Variants in PTPRD observed in about 807,000 individuals in gnomAD.
The protein encoded by PTPRD is protein tyrosine phosphatase receptor type D.
Under a neutral mutation model 214.5 loss-of-function variants are expected in PTPRD, and 34 were observed. The observed-to-expected ratio is 0.16, with a 90% CI of 0.12 to 0.21. PTPRD has a LOEUF of 0.21. Ranked by LOEUF, PTPRD falls within the 10% of genes least tolerant of loss-of-function variation. The pLI, the probability that PTPRD is intolerant of heterozygous loss-of-function variation, is 1.00. For missense variants in PTPRD, 2,545 were observed against 2,398.7 expected (o/e 1.06, Z -1.27); for synonymous variants, 1,128 against 845.7 (o/e 1.33, Z -5.79).
chr9:8,550,854 A>G (rs763543499), intron 14 of PTPRD, among the ~76,000 whole-genome samples: 4 of 152,218 alleles, frequency 2.6e-5, no homozygotes, highest in Non-Finnish European at 5.9e-5. Context: ...GGCTCTTTAG[A>G]GAAATAAGAA....
chr9:9,618,175 A>T (rs1246855851), intron 7 of PTPRD, among the ~76,000 whole-genome samples: 1 of 151,462 alleles, frequency 6.6e-6, no homozygotes, highest in Non-Finnish European at 1.5e-5. Context: ...CTTAATACAT[A>T]AAAGGAAAAG....
chr9:10,010,101 T>C (rs2096565510), intron 4 of PTPRD, among the ~76,000 whole-genome samples: 1 of 151,848 alleles, frequency 6.6e-6, no homozygotes, highest in African/African-American at 2.4e-5. Context: ...TTTAGAACAA[T>C]CTAATCGGTT....
intron 2 of PTPRD, among the ~76,000 whole-genome samples, chr9:10,589,086 G>C (rs181073033): frequency 1.3e-5 from 2 of 151,984 alleles, no homozygotes; most frequent in African/African-American, 4.8e-5. Context: ...CTCATGTATA[G>C]AATGTTACCT....
intron 35 of PTPRD, among the ~76,000 whole-genome samples, chr9:8,423,911 A>C (rs1475798269): frequency 6.6e-6 from 1 of 152,164 alleles, no homozygotes; most frequent in East Asian, 1.9e-4. Flanking sequence ...CAATCTGATG[A>C]ATTATTTCTA....
intron 5 of PTPRD, among the ~76,000 whole-genome samples, chr9:9,843,197 C>T (rs777410075): frequency 2.6e-5 from 4 of 152,014 alleles, no homozygotes; most frequent in Non-Finnish European, 5.9e-5. Flanking sequence ...AAGTCTGCTA[C>T]TCACTGTTCT....
chr9:10,533,454 G>A (rs964656078), intron 2 of PTPRD, among the ~76,000 whole-genome samples: 29 of 152,106 alleles, frequency 1.9e-4, no homozygotes, highest in African/African-American at 6.7e-4. Flanking sequence ...CAATCATAGA[G>A]TGGGTATATA....
At chr9:9,088,475 G>C (rs1402416541) in intron 10 of PTPRD, among the ~76,000 whole-genome samples, 2 of 149,526 alleles carry the variant, frequency 1.3e-5, no homozygotes, top group Non-Finnish European at 3.0e-5. Context: ...AGCTACTCGG[G>C]AGGATGAGGC....
chr9:9,044,879 A>G (rs1448648120), intron 10 of PTPRD, among the ~76,000 whole-genome samples: 1 of 152,212 alleles, frequency 6.6e-6, no homozygotes, highest in Non-Finnish European at 1.5e-5. Context: ...TACTGTCATA[A>G]TGGTGTGTCT....
intron 9 of PTPRD, among the ~76,000 whole-genome samples, chr9:9,307,218 C>T (rs1010863016): frequency 7.2e-5 from 11 of 152,146 alleles, no homozygotes; most frequent in African/African-American, 2.7e-4. Flanking sequence ...GAGAGAAAAA[C>T]GGCTTCATTT....
At chr9:9,371,893 G>T (rs1490071687) in intron 9 of PTPRD, among the ~76,000 whole-genome samples, 1 of 152,152 alleles carries the variant, frequency 6.6e-6, no homozygotes, top group Non-Finnish European at 1.5e-5. Flanking sequence ...TCAGGAGCAG[G>T]TTGTTCAGTT....
chr9:10,229,568 T>G (rs1434303683), intron 3 of PTPRD, among the ~76,000 whole-genome samples: 2 of 151,954 alleles, frequency 1.3e-5, no homozygotes, highest in Non-Finnish European at 2.9e-5. Flanking sequence ...TGGATGAAGC[T>G]GGAAGCTATC....
At chr9:8,787,127 C>T (rs1035139918) in intron 11 of PTPRD, among the ~76,000 whole-genome samples, 8 of 152,110 alleles carry the variant, frequency 5.3e-5, no homozygotes, top group Admixed American at 3.3e-4. Flanking sequence ...TGAGCCACTA[C>T]GCCTGACCTG....
intron 39 of PTPRD, among the ~76,000 whole-genome samples, chr9:8,349,253 G>A (rs977255381): frequency 2.6e-5 from 4 of 152,078 alleles, no homozygotes; most frequent in Non-Finnish European, 5.9e-5. Context: ...ACAAACCTCC[G>A]GCACTTATTT....
At chr9:8,499,533 A>G (rs2097349103) in intron 25 of PTPRD, 114 bp downstream of exon 25, 3 of 1,082,938 alleles carry the variant, frequency 2.8e-6, no homozygotes, top group Non-Finnish European at 3.9e-6. Context: ...TGAAAACTAG[A>G]ATTTTGTATA....
chr9:8,865,476 A>G (rs977059574), intron 11 of PTPRD, among the ~76,000 whole-genome samples: 1 of 152,166 alleles, frequency 6.6e-6, no homozygotes, highest in South Asian at 2.1e-4. Flanking sequence ...CACATCTTAC[A>G]TGATACATCA....
intron 8 of PTPRD, among the ~76,000 whole-genome samples, chr9:9,487,058 T>A (rs904788638): frequency 4.6e-5 from 7 of 152,180 alleles, no homozygotes; most frequent in Non-Finnish European, 8.8e-5. Flanking sequence ...ACTCATTTTC[T>A]TTTTTATTAT....
At chr9:10,347,639 A>AACCTCAGGTGACCACCC in intron 2 of PTPRD, among the ~76,000 whole-genome samples, 2 of 151,974 alleles carry the variant, frequency 1.3e-5, no homozygotes, top group South Asian at 4.2e-4. Flanking sequence ...TCGAATTCCC[A>AACCTCAGGTGACCACCC]ACCTCAGGTG....
At chr9:10,138,899 A>C (rs77534943) in intron 3 of PTPRD, among the ~76,000 whole-genome samples, 3,017 of 152,214 alleles carry the variant, frequency 0.02, 46 homozygotes, top group African/African-American at 0.047. Context: ...AACATAGCTC[A>C]AAATAATAAG....
At chr9:9,401,820 A>T (rs1407240544) in intron 8 of PTPRD, among the ~76,000 whole-genome samples, 3 of 151,900 alleles carry the variant, frequency 2.0e-5, no homozygotes, top group African/African-American at 4.8e-5. Flanking sequence ...CTGGTAGTTT[A>T]TTAAGGGATT....
Sources: gnomAD v4.1 joint callset for allele counts (sites outside exome capture counted in the v4.1 genomes callset) on GRCh38, gnomAD v4.1.1 for gene constraint, MANE v1.5 for transcripts, NCBI Gene and HGNC (gene_info 2026-07-23, HGNC 2026-07-21) for gene names.